Variants in SPAG16 observed in about 807,000 individuals in gnomAD.
SPAG16 encodes sperm-associated antigen 16 protein.
A neutral mutation model predicts 80.4 loss-of-function variants in SPAG16; 86 were observed. The ratio of observed to expected loss-of-function variants is 1.07; its 90% CI spans 0.90 to 1.28. SPAG16 has a LOEUF of 1.28. Ranked by LOEUF, SPAG16 falls within the 50% of genes most tolerant of loss-of-function variation. The probability of loss-of-function intolerance (pLI) is 0.00; values close to 1 mark genes in which losing one functional copy is unlikely to be tolerated. For missense variants in SPAG16, 870 were observed against 765.3 expected (o/e 1.14, Z -1.61); for synonymous variants, 294 against 265.9 (o/e 1.11, Z -1.03).
chr2:213,576,500 T>C (rs2060131066), intron 10 of SPAG16, among the ~76,000 whole-genome samples: 1 of 152,182 alleles, frequency 6.6e-6, no homozygotes, highest in Admixed American at 6.6e-5. Context: ...TATAAATCAT[T>C]CTGTTATGAA....
At chr2:213,876,470 C>T (rs2076148100) in intron 11 of SPAG16, among the ~76,000 whole-genome samples, 2 of 152,020 alleles carry the variant, frequency 1.3e-5, no homozygotes, top group African/African-American at 2.4e-5. Context: ...AAAAGAGCCT[C>T]CTTGTGGAGA....
intron 10 of SPAG16, among the ~76,000 whole-genome samples, chr2:213,611,644 G>A (rs781317702): frequency 1.3e-5 from 2 of 152,088 alleles, no homozygotes; most frequent in Non-Finnish European, 2.9e-5. Flanking sequence ...ATTTAGACTA[G>A]TAATAAAATG....
rs1020915397 is a variant in SPAG16 at position 213,454,037 on chromosome 2, C to T, written c.943-35926C>T. 2.6e-5 allele frequency among the ~76,000 whole-genome samples: 4 copies of T among 152,246 alleles called. No individual in the cohort carries two copies. The East Asian group carries it at 7.7e-4, about 29-fold the overall frequency. On this transcript the variant is annotated intron_variant, in intron 9 of 15. Transcript: ENST00000331683. ...TCCCCTTCTCCATGACTCGCTATAACCTCTGATTCTTCAGTATGAAAGTAG... is the reference window on the plus strand; with the variant it reads ...TCCCCTTCTCCATGACTCGCTATAATCTCTGATTCTTCAGTATGAAAGTAG...
intron 15 of SPAG16, among the ~76,000 whole-genome samples, chr2:214,343,534 A>G (rs898461158): frequency 1.3e-5 from 2 of 152,186 alleles, no homozygotes; most frequent in Non-Finnish European, 2.9e-5. Context: ...AAATGTTTAT[A>G]TATGTTTTTA....
rs369669201 is a variant in SPAG16, at chr2:213,925,434, C to A, written c.1215-4526C>A. Among the ~76,000 whole-genome samples, 3 of 151,984 alleles carry A rather than the reference C, an allele frequency of 2.0e-5. No homozygotes were observed. The East Asian group carries it at 5.8e-4, about 29-fold the overall frequency. On this transcript the variant is annotated intron_variant, in intron 11 of 15. Coordinates refer to ENST00000331683, the MANE Select transcript of SPAG16 (RefSeq NM_024532.5). Reference sequence around the variant, plus strand: ...TGTCACAATCTTGGCTCACTGCAACCTCTGCCTCCTGGGTTCAGGCAATTC... The same window carrying A: ...TGTCACAATCTTGGCTCACTGCAACATCTGCCTCCTGGGTTCAGGCAATTC...
At chr2:214,019,240 A>G (rs1036020889) in intron 13 of SPAG16, among the ~76,000 whole-genome samples, 1 of 151,998 alleles carries the variant, frequency 6.6e-6, no homozygotes, top group African/African-American at 2.4e-5. Context: ...ATGCAATGAG[A>G]TTGTTAGTCA....
intron 10 of SPAG16, among the ~76,000 whole-genome samples, chr2:213,643,436 CCTTT>C (rs746519716): frequency 9.4e-6 from 1 of 106,478 alleles, no homozygotes; most frequent in African/African-American, 3.4e-5. Context: ...CTGTTATGAT[CCTTT>C]CTTTATCTTT....
At chr2:213,636,209 A>T (rs990583290) in intron 10 of SPAG16, among the ~76,000 whole-genome samples, 1 of 151,770 alleles carries the variant, frequency 6.6e-6, no homozygotes, top group Admixed American at 6.6e-5. Flanking sequence ...AATAGGGTGT[A>T]TTTTCCCCGC....
chr2:213,862,340 C>A (rs2075505190), intron 10 of SPAG16, 145 bp from the exon 11 acceptor site: 2 of 940,790 alleles, frequency 2.1e-6, no homozygotes, highest in Non-Finnish European at 3.2e-6. Context: ...GGATGCAGAA[C>A]CTGCTTCCTC....
intron 10 of SPAG16, among the ~76,000 whole-genome samples, chr2:213,704,111 TATC>T (rs1321282952): frequency 6.6e-6 from 1 of 152,208 alleles, no homozygotes; most frequent in African/African-American, 2.4e-5. Context: ...TGGGCAGCCT[TATC>T]ATCAGAAAGA....
chr2:213,825,877 A>T (rs2073261510), intron 10 of SPAG16, among the ~76,000 whole-genome samples: 1 of 151,846 alleles, frequency 6.6e-6, no homozygotes, highest in African/African-American at 2.4e-5. Context: ...CAGTGAAGCC[A>T]TCAGTTCCTG....
intron 10 of SPAG16, among the ~76,000 whole-genome samples, chr2:213,776,286 G>A (rs1439059398): frequency 6.6e-6 from 1 of 152,218 alleles, no homozygotes; most frequent in Admixed American, 6.5e-5. Flanking sequence ...TGGGAGATGT[G>A]ATTGCAGGAG....
chr2:213,977,740 A>G (rs930174330), intron 12 of SPAG16, among the ~76,000 whole-genome samples: 1 of 152,026 alleles, frequency 6.6e-6, no homozygotes, highest in Non-Finnish European at 1.5e-5. Flanking sequence ...TCTTATTTAT[A>G]GATTTAAGGG....
chr2:214,046,212 C>A (rs1225099842), intron 13 of SPAG16, among the ~76,000 whole-genome samples: 1 of 152,018 alleles, frequency 6.6e-6, no homozygotes, highest in Non-Finnish European at 1.5e-5. Context: ...GTAATAAAAA[C>A]TCTCCCAGCA....
At chr2:213,710,547 G>A (rs1300644111) in intron 10 of SPAG16, among the ~76,000 whole-genome samples, 1 of 152,110 alleles carries the variant, frequency 6.6e-6, no homozygotes, top group Non-Finnish European at 1.5e-5. Context: ...TGGCTGTGTT[G>A]TAGTGGTGTG....
At chr2:213,782,550 A>G (rs2070063071) in intron 10 of SPAG16, among the ~76,000 whole-genome samples, 1 of 152,228 alleles carries the variant, frequency 6.6e-6, no homozygotes, top group Non-Finnish European at 1.5e-5. Flanking sequence ...CTGTTATTCA[A>G]TAAAGATAAT....
chr2:213,919,389 T>G (rs114258163), intron 11 of SPAG16, among the ~76,000 whole-genome samples: 1,577 of 152,316 alleles, frequency 0.01, 35 homozygotes, highest in African/African-American at 0.035. Flanking sequence ...GTTGATAAAT[T>G]GAGATCTTTC....
At chr2:214,027,599 C>T (rs1456229372) in intron 13 of SPAG16, among the ~76,000 whole-genome samples, 3 of 151,946 alleles carry the variant, frequency 2.0e-5, no homozygotes, top group Non-Finnish European at 4.4e-5. Context: ...GCTATATACT[C>T]TTTCCAGCAA....
intron 15 of SPAG16, among the ~76,000 whole-genome samples, chr2:214,171,683 A>C (rs1277545101): frequency 1.3e-5 from 2 of 151,934 alleles, no homozygotes; most frequent in Admixed American, 1.3e-4. Context: ...CCTATGTAGT[A>C]AGACAAATTT....
Sources: gnomAD v4.1 joint callset for allele counts (sites outside exome capture counted in the v4.1 genomes callset) on GRCh38, gnomAD v4.1.1 for gene constraint, MANE v1.5 for transcripts, NCBI Gene and HGNC (gene_info 2026-07-23, HGNC 2026-07-21) for gene names.